STAT4: variants seen among roughly 807,000 people sequenced by gnomAD.
The protein encoded by STAT4 is signal transducer and activator of transcription 4.
A neutral mutation model predicts 110.5 loss-of-function variants in STAT4; 42 were observed. The ratio of observed to expected loss-of-function variants is 0.38; its 90% CI spans 0.30 to 0.49. STAT4 has a LOEUF of 0.49. Ranked by LOEUF, STAT4 falls within the 20% of genes least tolerant of loss-of-function variation. The probability of loss-of-function intolerance (pLI) is 0.95; values close to 1 mark genes in which losing one functional copy is unlikely to be tolerated. For synonymous variants in STAT4, 284 were observed against 302.2 expected, an observed-to-expected ratio of 0.94 and a Z score of 0.63; for missense variants, 632 against 887.9, an observed-to-expected ratio of 0.71 and a Z score of 3.66.
chr2:191,093,301 G>A (rs953975275), intron 3 of STAT4, among the ~76,000 whole-genome samples: 5 of 152,202 alleles, frequency 3.3e-5, no homozygotes, highest in African/African-American at 1.2e-4. Flanking sequence ...AGTAGGGGCT[G>A]ACTGACACCT....
intron 3 of STAT4, chr2:191,131,729 TG>T: frequency 8.1e-7 from 1 of 1,231,064 alleles, no homozygotes. Context: ...TCCGATGTTT[TG>T]TATTAGAAGG....
Position 191,135,109 on chromosome 2 carries a change from A to C in STAT4, c.273+11504T>G, listed in dbSNP as rs1699142605. On this transcript the variant is annotated intron_variant, in intron 3 of 23. Transcript: ENST00000392320. This position sits in a 1 kb window ranked among gnomAD's most constrained non-coding sequence, Gnocchi z 4.8. Reference sequence around the variant, plus strand: ...TAAAAAAAGATACAAAGGATCAACAAAATGAAAAACTAGTTGTTTTGAAAA... The same window carrying C: ...TAAAAAAAGATACAAAGGATCAACACAATGAAAAACTAGTTGTTTTGAAAA... Among the ~76,000 whole-genome samples, 1 of 152,128 alleles carries C rather than the reference A, an allele frequency of 6.6e-6. No homozygotes were observed. The highest frequency in any genetic ancestry group is 1.5e-5 in the Non-Finnish European group (1 of 68,024).
chr2:191,061,804 C>T lies in STAT4; in HGVS notation c.959G>A (p.Arg320Gln), dbSNP rs143642103. 1.7e-5 allele frequency: 28 copies of T among 1,611,952 alleles called. No individual in the cohort carries two copies. Among genetic ancestry groups the T allele is most frequent in the African/African-American group, 1.1e-4 (8 of 74,724 alleles). The change falls in exon 10 of 24, where the codon CGA (arginine) becomes CAA (glutamine). Residue 320 changes from arginine to glutamine, a missense_variant. Around this residue, in one of 4 missense-constraint regions of STAT4, gnomAD observed 488 missense variants for 632.8 expected, o/e 0.77. Transcript: ENST00000392320. The surrounding 1 kb of genome is among the most constrained non-coding windows in gnomAD (Gnocchi z 6.2). ...NLFKNSFVVERQPCMPTHPQR... is the reference protein window; with the variant it reads ...NLFKNSFVVEQQPCMPTHPQR... ...AGGGTGGGTTGGCATACATGGCTGTCGCTCAACCACAAATGAGCTAGATGA... is the reference window on the plus strand; with the variant it reads ...AGGGTGGGTTGGCATACATGGCTGTTGCTCAACCACAAATGAGCTAGATGA...
chr2:191,128,704 C>T (rs1391784175), intron 3 of STAT4, among the ~76,000 whole-genome samples: 1 of 152,144 alleles, frequency 6.6e-6, no homozygotes, highest in East Asian at 1.9e-4. Flanking sequence ...GACACCCATG[C>T]CCCCTCACTC....
At chr2:191,089,630 A>G (rs958341190) in intron 3 of STAT4, among the ~76,000 whole-genome samples, 30 of 152,244 alleles carry the variant, frequency 2.0e-4, no homozygotes, top group Non-Finnish European at 2.4e-4. Context: ...AGCTTCATTT[A>G]TAATTGCTGA....
chr2:191,036,979 T>C (rs1440744935), intron 16 of STAT4, among the ~76,000 whole-genome samples: 1 of 152,228 alleles, frequency 6.6e-6, no homozygotes, highest in Non-Finnish European at 1.5e-5. Flanking sequence ...TCTTTGAGTA[T>C]AATATAATCA....
intron 4 of STAT4, among the ~76,000 whole-genome samples, chr2:191,073,676 C>T (rs555442874): frequency 2.7e-5 from 4 of 146,338 alleles, no homozygotes; most frequent in Admixed American, 7.1e-5. Context: ...GGCGACAGAG[C>T]GAGACTCCGT....
At chr2:191,054,048 A>C (rs1696603001) in intron 14 of STAT4, among the ~76,000 whole-genome samples, 1 of 150,926 alleles carries the variant, frequency 6.6e-6, no homozygotes, top group Admixed American at 6.6e-5. Context: ...GGTTCACTTG[A>C]GCCTGGGAGG....
intron 13 of STAT4, among the ~76,000 whole-genome samples, chr2:191,055,441 G>A (rs529845504): frequency 1.5e-5 from 2 of 137,834 alleles, no homozygotes; most frequent in South Asian, 2.2e-4. Context: ...GGATGGTCTC[G>A]ATCTCCTGAC....
chr2:191,038,836 G>T (rs1044563869), intron 16 of STAT4, among the ~76,000 whole-genome samples: 6 of 152,214 alleles, frequency 3.9e-5, no homozygotes, highest in African/African-American at 1.2e-4. Context: ...TTGTAGAAGA[G>T]ACTGCATGGA....
At position 191,052,799 on chromosome 2, in the gene STAT4, T is replaced by C. The variant is rs184547639; in HGVS notation, c.1251+1691A>G. Among the ~76,000 whole-genome samples the C allele has an allele frequency of 1.8e-4, 27 of 152,318 alleles. No individual in the cohort carries two copies. The East Asian group carries it at 5.0e-3, about 28-fold the overall frequency. ...TGAGCTTTTATTTAAAATGTGCCAA[T>C]GTTTAACTAGGAAGTTTAGAAAACC... On this transcript the variant is annotated intron_variant, in intron 14 of 23. Transcript: ENST00000392320.
rs1419761593 is a variant in STAT4, at chr2:191,061,915, C to T, written c.942-94G>A. On this transcript the variant is annotated intron_variant, in intron 9 of 23. Coordinates refer to ENST00000392320, the MANE Select transcript of STAT4 (RefSeq NM_003151.4). This position sits in a 1 kb window ranked among gnomAD's most constrained non-coding sequence, Gnocchi z 6.2. The stretch of plus-strand genomic sequence containing the variant: ...GAACAGGATGCTATCCACTCAAAGT[C>T]CAAATTTTCTACACTTAGAAGATAT... 8.9e-6 allele frequency: 10 copies of T among 1,127,890 alleles called. No individual in the cohort carries two copies. The Admixed American group carries it at 2.2e-4, about 25-fold the overall frequency. 69.9% of individuals were successfully genotyped at this position (1,127,890 alleles called of 1,614,324 possible).
At chr2:191,089,982 T>C (rs1160454178) in intron 3 of STAT4, among the ~76,000 whole-genome samples, 1 of 152,188 alleles carries the variant, frequency 6.6e-6, no homozygotes, top group Non-Finnish European at 1.5e-5. Flanking sequence ...ACTATGATAC[T>C]GGATACATGA....
rs1696370905 is a variant in STAT4, at chr2:191,046,973, T to C, written c.1252-5825A>G. 6.6e-6 allele frequency among the ~76,000 whole-genome samples: 1 copy of C among 152,136 alleles called. No homozygotes were observed. Among genetic ancestry groups the C allele is most frequent in the African/African-American group, 2.4e-5 (1 of 41,420 alleles). On this transcript the variant is annotated intron_variant, in intron 14 of 23. Coordinates refer to ENST00000392320, the MANE Select transcript of STAT4 (RefSeq NM_003151.4). The surrounding 1 kb of genome is among the most constrained non-coding windows in gnomAD (Gnocchi z 4.6). ...TTGCTAGGGGAACCAATCATGTGAT[T>C]AGGAGTTGGAACTTCTACCCCACTC...
Position 191,058,069 on chromosome 2 carries a change from C to T in STAT4, c.1155G>A (p.Met385Ile), listed in dbSNP as rs376043190. 1.8e-5 allele frequency: 29 copies of T among 1,613,934 alleles called. No homozygotes were observed. The highest frequency in any genetic ancestry group is 2.7e-5 in the African/African-American group (2 of 74,920). The change falls in exon 13 of 24, where the codon ATG (methionine) becomes ATA (isoleucine). Residue 385 changes from methionine (M) to isoleucine (I), a missense_variant. Met to Ile is a conservative substitution (Grantham distance 10). Transcript: ENST00000392320. This position sits in a 1 kb window ranked among gnomAD's most constrained non-coding sequence, Gnocchi z 4.3. Reference sequence around the variant, plus strand: ...TCCCATTGGAAGATTCTTCAATAGACATGGCTTTGACATTAGTTCCACAAA... The same window carrying T: ...TCCCATTGGAAGATTCTTCAATAGATATGGCTTTGACATTAGTTCCACAAA... ...FVLCGTNVKA[M>I]SIEESSNGSL... is the part of the protein sequence containing the mutation.
chr2:191,075,405 A>G (rs1697286239), intron 4 of STAT4, among the ~76,000 whole-genome samples: 1 of 152,168 alleles, frequency 6.6e-6, no homozygotes. Flanking sequence ...AGTAAAGTAC[A>G]CTCACACAAT....
intron 3 of STAT4, chr2:191,122,118 T>A (rs1331753374): frequency 3.9e-5 from 6 of 152,082 alleles, no homozygotes; most frequent in Non-Finnish European, 8.8e-5. Flanking sequence ...CTCCATGATG[T>A]GCTTATTTCA....
chr2:191,074,237 C>A (rs1430508805), intron 4 of STAT4, among the ~76,000 whole-genome samples: 7 of 152,186 alleles, frequency 4.6e-5, no homozygotes, highest in Non-Finnish European at 1.0e-4. Context: ...ATGTAAGCAG[C>A]CCCTTCATCT....
At chr2:191,084,318 A>T (rs1022739347) in intron 3 of STAT4, among the ~76,000 whole-genome samples, 1 of 151,930 alleles carries the variant, frequency 6.6e-6, no homozygotes, top group Non-Finnish European at 1.5e-5. Flanking sequence ...CTATAAGCTT[A>T]TGTTCTTAGA....
Sources: allele counts gnomAD v4.1 joint callset (sites outside exome capture counted in the v4.1 genomes callset), GRCh38; gene constraint gnomAD v4.1.1; regional missense constraint gnomAD v4.1.1; non-coding constraint Gnocchi (gnomAD v3.1); transcripts MANE v1.5; gene names NCBI Gene and HGNC (gene_info 2026-07-23, HGNC 2026-07-21).